ERGIC1: variants seen among roughly 807,000 people sequenced by gnomAD.
ERGIC1 encodes endoplasmic reticulum-golgi intermediate compartment 1.
ERGIC1 carries 19 observed loss-of-function variants against 38.3 expected under a neutral mutation model. The observed-to-expected ratio is 0.50, with a 90% CI of 0.35 to 0.73. ERGIC1 has a LOEUF of 0.73. ERGIC1 is among the 30% of genes least tolerant of loss of function. The pLI is 0.01. For synonymous variants in ERGIC1, 124 were observed against 157.6 expected (o/e 0.79, Z 1.60); for missense variants, 294 against 389.2 (o/e 0.76, Z 2.06).
rs1346362180 is a variant in ERGIC1 at position 172,926,492 on chromosome 5, A to G, written c.481-17A>G. The G allele has an allele frequency of 1.9e-6, 3 of 1,613,102 alleles. No homozygotes were observed. The highest frequency in any genetic ancestry group is 1.1e-5 in the South Asian group (1 of 91,046). On this transcript the variant is annotated splice_polypyrimidine_tract_variant and intron_variant, in intron 6 of 9. Transcript: ENST00000393784. The surrounding 1 kb of genome is among the most constrained non-coding windows in gnomAD (Gnocchi z 5.2). ...GAGGTGTCCTGGGGACCATCCCCTC[A>G]CTGCATTTTTCCACAGGTCCAGAAC...
intron 9 of ERGIC1, among the ~76,000 whole-genome samples, chr5:172,950,240 G>T (rs532114731): frequency 4.6e-5 from 7 of 152,274 alleles, no homozygotes; most frequent in Non-Finnish European, 1.0e-4. Flanking sequence ...GGGCCCCTGG[G>T]ACTGCCTTTC....
At chr5:172,904,039 A>G (rs1762958511) in intron 3 of ERGIC1, among the ~76,000 whole-genome samples, 1 of 152,054 alleles carries the variant, frequency 6.6e-6, no homozygotes, top group Non-Finnish European at 1.5e-5. Flanking sequence ...GCCCTGGGGC[A>G]GCCAACAGCT....
At position 172,950,876 on chromosome 5, in the gene ERGIC1, C is replaced by T; in HGVS notation, c.*60C>T. 1 of 1,476,564 alleles carries T rather than the reference C, an allele frequency of 6.8e-7. No individual in the cohort carries two copies. Among genetic ancestry groups the T allele is most frequent in the Non-Finnish European group, 9.3e-7 (1 of 1,078,632 alleles). The allele number at this position is 1,476,564 out of a possible 1,614,324, so 91.5% of individuals were successfully genotyped here. ...CATCGCCAGCCTTGCCTCCAGTGCC[C>T]TGTCTCCTTTGGCCCTCAATCTGGT... On this transcript the variant is annotated 3_prime_UTR_variant, in exon 10 of 10. Coordinates refer to ENST00000393784, the MANE Select transcript of ERGIC1 (RefSeq NM_001031711.3).
At chr5:172,850,974 C>T (rs1443899033) in intron 1 of ERGIC1, among the ~76,000 whole-genome samples, 4 of 151,768 alleles carry the variant, frequency 2.6e-5, no homozygotes, top group African/African-American at 4.8e-5. Flanking sequence ...CTGAGGTGAG[C>T]GGATCACTTG....
chr5:172,881,019 C>G (rs982848401), intron 1 of ERGIC1, among the ~76,000 whole-genome samples: 4 of 152,214 alleles, frequency 2.6e-5, no homozygotes, highest in Non-Finnish European at 5.9e-5. Context: ...GAGGCTGAGG[C>G]AGGCAGATCA....
intron 7 of ERGIC1, among the ~76,000 whole-genome samples, chr5:172,928,039 T>C (rs1270831582): frequency 2.0e-5 from 3 of 152,010 alleles, no homozygotes; most frequent in Non-Finnish European, 4.4e-5. Context: ...AAATGTCTGG[T>C]TGTAATAGAG....
At chr5:172,858,378 C>T (rs990409457) in intron 1 of ERGIC1, among the ~76,000 whole-genome samples, 1 of 152,238 alleles carries the variant, frequency 6.6e-6, no homozygotes, top group Non-Finnish European at 1.5e-5. Flanking sequence ...TGAGCAGATC[C>T]TCACGAACTC....
At chr5:172,924,144 G>A (rs1193726648) in intron 6 of ERGIC1, 35 bp downstream of exon 6, 1 of 1,602,818 alleles carries the variant, frequency 6.2e-7, no homozygotes, top group Admixed American at 1.7e-5. Context: ...CATGGCCGGG[G>A]GTGGGCCTTC....
chr5:172,920,337 C>T, intron 5 of ERGIC1: 2 of 717,814 alleles, frequency 2.8e-6, no homozygotes, highest in Non-Finnish European at 2.6e-6. Flanking sequence ...TGAGACTTGT[C>T]CCATGGCCTC....
chr5:172,924,922 G>T (rs1015712456), intron 6 of ERGIC1, among the ~76,000 whole-genome samples: 1 of 152,118 alleles, frequency 6.6e-6, no homozygotes, highest in Non-Finnish European at 1.5e-5. Context: ...TCCAGTCTAG[G>T]GGGGAAGACA....
chr5:172,881,260 A>G (rs1262546924), intron 1 of ERGIC1, among the ~76,000 whole-genome samples: 3 of 152,180 alleles, frequency 2.0e-5, no homozygotes, highest in African/African-American at 7.2e-5. Context: ...AAAAAGAAAA[A>G]AAAAAAGTGA....
At chr5:172,920,268 C>T (rs978313463) in intron 5 of ERGIC1, 16 of 715,142 alleles carry the variant, frequency 2.2e-5, no homozygotes, top group South Asian at 1.9e-4. Flanking sequence ...CACCAGGGTC[C>T]ATGTGCTGTG....
chr5:172,886,551 C>A (rs560104165), intron 1 of ERGIC1, among the ~76,000 whole-genome samples: 1 of 152,210 alleles, frequency 6.6e-6, no homozygotes, highest in African/African-American at 2.4e-5. Context: ...GCCTAAGGGC[C>A]TAAAAGAGGG....
chr5:172,913,179 C>G (rs1468819821), intron 4 of ERGIC1, among the ~76,000 whole-genome samples: 1 of 152,268 alleles, frequency 6.6e-6, no homozygotes, highest in Non-Finnish European at 1.5e-5. Context: ...AGCCACTGAT[C>G]TGCTCTGAGC....
chr5:172,951,933 A>G lies in ERGIC1; in HGVS notation c.*1117A>G, dbSNP rs1764239488. The G allele has an allele frequency of 6.6e-6, 1 of 152,230 alleles. No homozygotes were observed. The highest frequency in any genetic ancestry group is 2.4e-5 in the African/African-American group (1 of 41,424). 9.4% of individuals were successfully genotyped at this position (152,230 alleles called of 1,614,324 possible). On this transcript the variant is annotated 3_prime_UTR_variant, in exon 10 of 10. Transcript: ENST00000393784. ...CTACAGCCATCGTGGCCCACTTGAC[A>G]CTGTGCTCCTCCATCAGCTGGTCAC...
rs1761283749 is a variant in ERGIC1, at chr5:172,846,431, C to G, written c.20+11998C>G. On this transcript the variant is annotated intron_variant, in intron 1 of 9. Coordinates refer to ENST00000393784, the MANE Select transcript of ERGIC1 (RefSeq NM_001031711.3). This position sits in a 1 kb window ranked among gnomAD's most constrained non-coding sequence, Gnocchi z 4.0. ...AACCCATTGTCCTCCCTGGCCTGCC[C>G]CTTGTGCCAGGCTGATGTCAGGTGG... Among the ~76,000 whole-genome samples, 2 of 152,178 alleles carry G rather than the reference C, an allele frequency of 1.3e-5. No individual in the cohort carries two copies. The highest frequency in any genetic ancestry group is 1.3e-4 in the Admixed American group (2 of 15,288).
chr5:172,919,996 G>A lies in ERGIC1; in HGVS notation c.376-4009G>A, dbSNP rs1297010826. On this transcript the variant is annotated intron_variant, in intron 5 of 9. Transcript: ENST00000393784. ...AGGAAACTGAGGCACAGGAGGTTAA[G>A]TGACCTGGTCAAGGTCACGCAGCCA... Among the ~76,000 whole-genome samples, 4 of 152,216 alleles carry A rather than the reference G, an allele frequency of 2.6e-5. No homozygotes were observed. The East Asian group carries it at 7.7e-4, about 29-fold the overall frequency.
intron 2 of ERGIC1, among the ~76,000 whole-genome samples, chr5:172,893,983 CTG>C (rs1305389409): frequency 7.8e-6 from 1 of 128,458 alleles, no homozygotes; most frequent in African/African-American, 2.9e-5. Flanking sequence ...ACACATGAAA[CTG>C]TAACAGGGAA....
At chr5:172,889,056 G>A (rs538909728) in intron 2 of ERGIC1, among the ~76,000 whole-genome samples, 4 of 152,296 alleles carry the variant, frequency 2.6e-5, no homozygotes, top group East Asian at 1.9e-4. Flanking sequence ...AGGCCAAGGC[G>A]GGTGGATCAA....
Sources: gnomAD v4.1 joint callset for allele counts (sites outside exome capture counted in the v4.1 genomes callset) on GRCh38, gnomAD v4.1.1 for gene constraint, Gnocchi (gnomAD v3.1) non-coding constraint, MANE v1.5 for transcripts, NCBI Gene and HGNC (gene_info 2026-07-23, HGNC 2026-07-21) for gene names.